The following TCF25 variants were observed in gnomAD, a reference collection of about 807,000 sequenced individuals.
TCF25 encodes the protein ribosome quality control complex subunit TCF25.
TCF25 carries 41 observed loss-of-function variants against 83.1 expected under a neutral mutation model. That is an observed-to-expected ratio of 0.49 (90% CI 0.38 to 0.64). The LOEUF (loss-of-function observed/expected upper bound fraction) is 0.64, where lower values mean the gene tolerates loss of function less well. Ranked by LOEUF, TCF25 falls within the 30% of genes least tolerant of loss-of-function variation. The probability of loss-of-function intolerance (pLI) is 0.00; values close to 1 mark genes in which losing one functional copy is unlikely to be tolerated. For synonymous variants in TCF25, 458 were observed against 365.0 expected (o/e 1.25, Z -2.90); for missense variants, 979 against 914.5 (o/e 1.07, Z -0.91).
intron 16 of TCF25, among the ~76,000 whole-genome samples, chr16:89,908,143 AC>A (rs1302441083): frequency 2.5e-5 from 1 of 39,616 alleles, no homozygotes; most frequent in Non-Finnish European, 4.9e-5. Flanking sequence ...CTCCCCTGCC[AC>A]CTCCTGCCTC....
chr16:89,873,997 A>G (rs1597235533), intron 1 of TCF25, 138 bp downstream of exon 1: 12 of 499,626 alleles, frequency 2.4e-5, no homozygotes, highest in South Asian at 1.7e-4. Context: ...CGCAGTGGGG[A>G]GGGCGGGGCC....
chr16:89,877,959 T>G (rs944651567), intron 1 of TCF25, among the ~76,000 whole-genome samples: 1 of 152,200 alleles, frequency 6.6e-6, no homozygotes, highest in Non-Finnish European at 1.5e-5. Flanking sequence ...TTTTATCTAT[T>G]AAAGATACTG....
chr16:89,896,071 G>C lies in TCF25; in HGVS notation c.1010G>C (p.Arg337Thr). 6.2e-7 allele frequency: 1 copy of C among 1,613,666 alleles called. No homozygotes were observed. The highest frequency in any genetic ancestry group is 8.5e-7 in the Non-Finnish European group (1 of 1,179,974). ...TSGACRLDYR[R>T]PENRSFYLAL... ...GGGGCCTGCCGGCTGGATTACCGCA[G>C]ACCCGAGAACAGGTGAGTGCAGCTG... Residue 337 changes from arginine (R) to threonine (T), a missense_variant, in exon 9 of 18, where the codon AGA (arginine) becomes ACA (threonine). Transcript: ENST00000263346.
At chr16:89,907,120 C>A in intron 15 of TCF25, 123 bp from the exon 16 acceptor site, 1 of 972,548 alleles carries the variant, frequency 1.0e-6, no homozygotes, top group Non-Finnish European at 1.6e-6. Context: ...CTGTCAGACT[C>A]TGTGGCTATC....
At chr16:89,901,519 G>A (rs2044332416) in intron 12 of TCF25, among the ~76,000 whole-genome samples, 1 of 137,326 alleles carries the variant, frequency 7.3e-6, no homozygotes, top group Admixed American at 7.2e-5. Context: ...GCCGAGGTGG[G>A]CGGATCACGA....
intron 2 of TCF25, chr16:89,883,814 ACGTGTGTGCCTCCTAGCCGACCGCG>A (rs2042781319): frequency 3.4e-6 from 1 of 294,948 alleles, no homozygotes; most frequent in African/African-American, 3.1e-5. Context: ...CCGACCGCGC[ACGTGTGTGCCTCCTAGCCGACCGCG>A]CACGTGTGTC....
At chr16:89,894,845 A>C in intron 7 of TCF25, 193 bp from the exon 8 acceptor site, 1 of 471,818 alleles carries the variant, frequency 2.1e-6, no homozygotes, top group Admixed American at 3.7e-5. Context: ...AGGTTTTGCC[A>C]CGTTGGCCAG....
intron 8 of TCF25, 71 bp from the exon 9 acceptor site, chr16:89,895,919 A>G (rs1026318576): frequency 3.6e-6 from 5 of 1,386,708 alleles, no homozygotes; most frequent in South Asian, 1.2e-5. Context: ...CTTGTTGTCC[A>G]TTATCAGAGG....
intron 9 of TCF25, among the ~76,000 whole-genome samples, 199 bp from the exon 10 acceptor site, chr16:89,898,358 G>T (rs58296945): frequency 0.049 from 6,326 of 129,832 alleles, 601 homozygotes; most frequent in African/African-American, 0.21. Flanking sequence ...GGTGGAGCGG[G>T]TGTTGACTGG....
In TCF25 at chr16:89,883,590, G is replaced by A. The variant is rs578068795; in HGVS notation, c.354+78G>A. 413 of 1,452,650 alleles carry A rather than the reference G, an allele frequency of 2.8e-4. 8 individuals carry two copies. In the South Asian group the frequency reaches 5.2e-3, roughly 18 times the overall value. 90.0% of individuals were successfully genotyped at this position (1,452,650 alleles called of 1,614,324 possible). A position where few individuals can be genotyped will look rare whatever the true frequency, so the allele number is the denominator to read the frequency against. On this transcript the variant is annotated intron_variant, in intron 2 of 17. Transcript: ENST00000263346. ...CCCAGCCACGTGTATCCTGTGCTGTGATTTTCCTTGGAGGTGTAATTTTCC... is the reference window on the plus strand; with the variant it reads ...CCCAGCCACGTGTATCCTGTGCTGTAATTTTCCTTGGAGGTGTAATTTTCC...
chr16:89,894,770 G>C (rs1013450700), intron 7 of TCF25, among the ~76,000 whole-genome samples: 3 of 152,022 alleles, frequency 2.0e-5, no homozygotes, highest in African/African-American at 7.2e-5. Flanking sequence ...TCAGCCTTCC[G>C]AGTAACTGGA....
At chr16:89,889,110 G>T (rs1289534465) in intron 5 of TCF25, 2 of 284,308 alleles carry the variant, frequency 7.0e-6, no homozygotes, top group Non-Finnish European at 6.7e-6. Flanking sequence ...GAGCAGGGGG[G>T]GTGTCTGCTT....
rs899391780 is a variant in TCF25 at position 89,898,603 on chromosome 16, C to T, written c.1069C>T (p.Arg357Ter). Residue 357 changes from arginine (R) to a stop codon, truncating the protein, a stop_gained, in exon 10 of 18, where the codon CGA becomes TGA. Coordinates refer to ENST00000263346, the MANE Select transcript of TCF25 (RefSeq NM_014972.3). LOFTEE classifies it high-confidence loss of function. Reference sequence around the variant, plus strand: ...CAAGCAGATGAGCTTCCTGGAGAAGCGAGGCTGCCCGCGCACGGCGCTGGA... The same window carrying T: ...CAAGCAGATGAGCTTCCTGGAGAAGTGAGGCTGCCCGCGCACGGCGCTGGA... ...LYKQMSFLEK[R>*]GCPRTALEYC... The T allele has an allele frequency of 1.9e-6, 3 of 1,610,474 alleles. No individual in the cohort carries two copies. Among genetic ancestry groups the T allele is most frequent in the Non-Finnish European group, 2.5e-6 (3 of 1,179,816 alleles).
chr16:89,893,068 C>T (rs913655578), intron 6 of TCF25, among the ~76,000 whole-genome samples: 1 of 152,226 alleles, frequency 6.6e-6, no homozygotes, highest in Non-Finnish European at 1.5e-5. Context: ...GGCAGGAACC[C>T]CTGCTCACTG....
At position 89,901,472 on chromosome 16, in the gene TCF25, G is replaced by A. The variant is rs1045641539; in HGVS notation, c.1381+678G>A. The stretch of plus-strand genomic sequence containing the variant: ...CCTTAAGACGGGCCTCCGGCCGGGC[G>A]CGGTGGCTCACGCCTGTAATCCTAG... On this transcript the variant is annotated intron_variant, in intron 12 of 17. Transcript: ENST00000263346. Among the ~76,000 whole-genome samples the A allele has an allele frequency of 5.0e-3, 708 of 141,254 alleles. 1 individual carries two copies. Among genetic ancestry groups the A allele is most frequent in the African/African-American group, 0.019 (666 of 34,298 alleles). 92.7% of individuals were successfully genotyped at this position (141,254 alleles called of 152,430 possible). A position where few individuals can be genotyped will look rare whatever the true frequency, so the allele number is the denominator to read the frequency against.
At chr16:89,875,669 C>T (rs7185534) in intron 1 of TCF25, among the ~76,000 whole-genome samples, 1 of 150,768 alleles carries the variant, frequency 6.6e-6, no homozygotes, top group African/African-American at 2.4e-5. Context: ...AACACAGGCG[C>T]CCGCCACCAC....
chr16:89,887,612 A>G (rs755865041), intron 4 of TCF25, 40 bp from the exon 5 acceptor site: 1 of 1,552,588 alleles, frequency 6.4e-7, no homozygotes, highest in Non-Finnish European at 8.7e-7. Flanking sequence ...GTCTTAGAAC[A>G]TAATTTCATG....
At chr16:89,896,968 A>G (rs1024245556) in intron 9 of TCF25, among the ~76,000 whole-genome samples, 1 of 151,942 alleles carries the variant, frequency 6.6e-6, no homozygotes, top group Non-Finnish European at 1.5e-5. Flanking sequence ...TCGAGGCTGC[A>G]GTGAGCTGAG....
Position 89,873,726 on chromosome 16 carries a change from G to GGCC in TCF25, c.60_62dup (p.Pro21dup). On this transcript the variant is annotated inframe_insertion, in exon 1 of 18. Transcript: ENST00000263346. ...GAACAGCGCGGCCAGGAGCCCCTCGGGCCCGGCGCCTTGCATTTCGATCTC... is the reference window on the plus strand; with the variant it reads ...GAACAGCGCGGCCAGGAGCCCCTCGGGCCGCCCGGCGCCTTGCATTTCGATCTC... The GGCC allele has an allele frequency of 6.2e-7, 1 of 1,611,506 alleles. No individual in the cohort carries two copies. Among genetic ancestry groups the GGCC allele is most frequent in the Non-Finnish European group, 8.5e-7 (1 of 1,179,454 alleles).
Sources: gnomAD v4.1 joint callset for allele counts (sites outside exome capture counted in the v4.1 genomes callset) on GRCh38, gnomAD v4.1.1 for gene constraint, MANE v1.5 for transcripts, NCBI Gene and HGNC (gene_info 2026-07-23, HGNC 2026-07-21) for gene names.